RPGRIP1L: variants seen among roughly 807,000 people sequenced by gnomAD.
RPGRIP1L encodes protein fantom.
A neutral mutation model predicts 160.4 loss-of-function variants in RPGRIP1L; 131 were observed. The observed-to-expected ratio is 0.82, with a 90% CI of 0.71 to 0.94. RPGRIP1L has a LOEUF of 0.94. Among genes scored for constraint, RPGRIP1L ranks in the 40% least tolerant of loss-of-function variants. RPGRIP1L has a pLI of 0.00. For synonymous variants in RPGRIP1L, 510 were observed against 515.8 expected, an observed-to-expected ratio of 0.99 and a Z score of 0.15; for missense variants, 1,522 against 1,535.8, an observed-to-expected ratio of 0.99 and a Z score of 0.15.
intron 22 of RPGRIP1L, among the ~76,000 whole-genome samples, chr16:53,626,648 T>C (rs1254102256): frequency 1.3e-5 from 2 of 151,822 alleles, no homozygotes; most frequent in African/African-American, 4.8e-5. Context: ...CTACTAAAGA[T>C]ACAAAAATTA....
chr16:53,700,224 T>C (rs1268740136), intron 2 of RPGRIP1L, among the ~76,000 whole-genome samples: 2 of 152,260 alleles, frequency 1.3e-5, no homozygotes, highest in African/African-American at 2.4e-5. Context: ...GTCACTATCA[T>C]GTGAGATATT....
At chr16:53,613,748 A>T (rs146533801) in intron 24 of RPGRIP1L, among the ~76,000 whole-genome samples, 16 of 152,308 alleles carry the variant, frequency 1.1e-4, no homozygotes, top group Non-Finnish European at 1.8e-4. Context: ...TCTCTTAATA[A>T]AGACAAAAAT....
intron 2 of RPGRIP1L, among the ~76,000 whole-genome samples, chr16:53,698,046 C>G (rs993115647): frequency 8.6e-5 from 13 of 152,036 alleles, no homozygotes; most frequent in African/African-American, 2.9e-4. Flanking sequence ...TGCCTCTGCC[C>G]GGCCGCAACC....
intron 22 of RPGRIP1L, among the ~76,000 whole-genome samples, chr16:53,634,527 G>A (rs556466740): frequency 6.6e-6 from 1 of 152,274 alleles, no homozygotes; most frequent in Non-Finnish European, 1.5e-5. Flanking sequence ...GGCAGTGTGG[G>A]GAGGTGGAGT....
In RPGRIP1L at chr16:53,660,571, A is replaced by T. The variant is rs551872991; in HGVS notation, c.1244-1693T>A. Among the ~76,000 whole-genome samples, 27 of 152,160 alleles carry T rather than the reference A, an allele frequency of 1.8e-4. No homozygotes were observed. The South Asian group carries it at 5.4e-3, about 30-fold the overall frequency. ...AGTAAAAAAATAAAAAAATAAAAAA[A>T]AAAAACCTGTGATCCTAGGCAATAC... is the stretch of plus-strand genomic sequence containing the variant. On this transcript the variant is annotated intron_variant, in intron 10 of 26. Transcript: ENST00000647211.
chr16:53,653,750 T>G (rs935648177), intron 14 of RPGRIP1L, among the ~76,000 whole-genome samples: 13 of 152,208 alleles, frequency 8.5e-5, no homozygotes, highest in African/African-American at 3.1e-4. Flanking sequence ...GCTTCTGTTT[T>G]TAATTATTTT....
At position 53,610,986 on chromosome 16, in the gene RPGRIP1L, G is replaced by A. The variant is rs1964000214; in HGVS notation, c.3682C>T (p.Gln1228Ter). ...RDILKAILQK[Q>*]EMPNRSLRFT... is the part of the protein sequence containing the mutation. Reference sequence around the variant, plus strand: ...ACATACCTTCTATTAGGCATCTCTTGTTTTTGTAGTATAGCTTTTAAGATG... The same window carrying A: ...ACATACCTTCTATTAGGCATCTCTTATTTTTGTAGTATAGCTTTTAAGATG... Residue 1228 changes from glutamine (Q) to a stop codon, truncating the protein, a stop_gained, in exon 25 of 27, where the codon CAA becomes TAA. Transcript: ENST00000647211. LOFTEE classifies it high-confidence loss of function. 4 of 1,611,180 alleles carry A rather than the reference G, an allele frequency of 2.5e-6. No individual in the cohort carries two copies. The African/African-American group carries it at 4.0e-5, about 16-fold the overall frequency.
At chr16:53,677,441 T>A (rs922872313) in intron 6 of RPGRIP1L, among the ~76,000 whole-genome samples, 4 of 152,202 alleles carry the variant, frequency 2.6e-5, no homozygotes, top group African/African-American at 9.6e-5. Context: ...TGACTTTATT[T>A]TTTTTTCATG....
At chr16:53,702,842 T>C (rs1971564810) in intron 1 of RPGRIP1L, among the ~76,000 whole-genome samples, 1 of 152,172 alleles carries the variant, frequency 6.6e-6, no homozygotes, top group African/African-American at 2.4e-5. Context: ...CAACTGCCTC[T>C]ATCTGAAGTT....
At chr16:53,676,806 T>C (rs2151270151) in intron 6 of RPGRIP1L, among the ~76,000 whole-genome samples, 1 of 152,174 alleles carries the variant, frequency 6.6e-6, no homozygotes, top group African/African-American at 2.4e-5. Context: ...CTGATTTTTT[T>C]GTATTTTTAG....
chr16:53,673,322 CT>C lies in RPGRIP1L; in HGVS notation c.883-307del, dbSNP rs1353708525. 3.9e-5 allele frequency among the ~76,000 whole-genome samples: 6 copies of C among 152,248 alleles called. No homozygotes were observed. In the East Asian group the frequency reaches 1.2e-3, roughly 29 times the overall value. On this transcript the variant is annotated intron_variant, in intron 7 of 26. Coordinates refer to ENST00000647211, the MANE Select transcript of RPGRIP1L (RefSeq NM_015272.5). Reference sequence around the variant, plus strand: ...GCAAGTAAATTCATTTTAACAATAACTTTTTTTCTTTTTGCTGTGGTTACAT... The same window carrying C: ...GCAAGTAAATTCATTTTAACAATAACTTTTTTCTTTTTGCTGTGGTTACAT...
At chr16:53,607,333 C>T (rs1200037675) in intron 25 of RPGRIP1L, among the ~76,000 whole-genome samples, 1 of 152,114 alleles carries the variant, frequency 6.6e-6, no homozygotes, top group African/African-American at 2.4e-5. Flanking sequence ...TATGCTTCTA[C>T]ATTTCTAAGG....
rs1963342703 is a variant in RPGRIP1L at position 53,600,701 on chromosome 16, A to G, written c.*1375T>C. ...TGCTTTTTTTTTCTATTGAACTGTA[A>G]TGAATTGTCTCATAATCTATTCCAT... On this transcript the variant is annotated 3_prime_UTR_variant, in exon 27 of 27. Coordinates refer to ENST00000647211, the MANE Select transcript of RPGRIP1L (RefSeq NM_015272.5). 6.6e-6 allele frequency: 1 copy of G among 152,588 alleles called. No individual in the cohort carries two copies. The highest frequency in any genetic ancestry group is 2.4e-5 in the African/African-American group (1 of 41,436). 9.5% of individuals were successfully genotyped at this position (152,588 alleles called of 1,614,324 possible).
intron 23 of RPGRIP1L, among the ~76,000 whole-genome samples, chr16:53,621,228 T>A (rs1304276931): frequency 1.3e-5 from 2 of 152,146 alleles, no homozygotes; most frequent in Non-Finnish European, 2.9e-5. Flanking sequence ...CAATTTAGAC[T>A]GTCAAATATG....
rs778362441 is a variant in RPGRIP1L at position 53,601,570 on chromosome 16, A to C, written c.*506T>G. 34 of 158,948 alleles carry C rather than the reference A, an allele frequency of 2.1e-4. No homozygotes were observed. The highest frequency in any genetic ancestry group is 4.1e-4 in the Non-Finnish European group (29 of 71,358). The allele number at this position is 158,948 out of a possible 1,614,324, so 9.8% of individuals were successfully genotyped here. A position where few individuals can be genotyped will look rare whatever the true frequency, so the allele number is the denominator to read the frequency against. On this transcript the variant is annotated 3_prime_UTR_variant, in exon 27 of 27. Coordinates refer to ENST00000647211, the MANE Select transcript of RPGRIP1L (RefSeq NM_015272.5). ...TATTAGCATTTTAAAGAGGAAGATT[A>C]ACACATTAATCCAAGTAATTTTCAT...
Position 53,601,940 on chromosome 16 carries a change from C to CG in RPGRIP1L, c.*135_*136insC. The stretch of plus-strand genomic sequence containing the variant: ...AAAAGTATACAAAACTTCAACACTT[C>CG]AAACCCAGGTCTCCCCGCTCCCAGC... On this transcript the variant is annotated 3_prime_UTR_variant, in exon 27 of 27. Coordinates refer to ENST00000647211, the MANE Select transcript of RPGRIP1L (RefSeq NM_015272.5). 1.5e-6 allele frequency: 1 copy of CG among 685,652 alleles called. No individual in the cohort carries two copies. 42.5% of individuals were successfully genotyped at this position (685,652 alleles called of 1,614,324 possible).
intron 10 of RPGRIP1L, among the ~76,000 whole-genome samples, chr16:53,662,920 G>T (rs1245920185): frequency 6.6e-6 from 1 of 151,972 alleles, no homozygotes; most frequent in Non-Finnish European, 1.5e-5. Flanking sequence ...ATAGAAGATT[G>T]TTAAATAATC....
At chr16:53,642,893 G>C (rs1350455826) in intron 17 of RPGRIP1L, among the ~76,000 whole-genome samples, 1 of 152,210 alleles carries the variant, frequency 6.6e-6, no homozygotes, top group African/African-American at 2.4e-5. Flanking sequence ...CAAACAATCA[G>C]AGAAGGTCAA....
At chr16:53,702,044 GA>G (rs1971447617) in intron 1 of RPGRIP1L, among the ~76,000 whole-genome samples, 1 of 152,132 alleles carries the variant, frequency 6.6e-6, no homozygotes, top group African/African-American at 2.4e-5. Flanking sequence ...AGTTTTCCAT[GA>G]CAGAGTTAAG....
Sources: gnomAD v4.1 joint callset for allele counts (sites outside exome capture counted in the v4.1 genomes callset) on GRCh38, gnomAD v4.1.1 for gene constraint, MANE v1.5 for transcripts, NCBI Gene and HGNC (gene_info 2026-07-23, HGNC 2026-07-21) for gene names.